Variants in PANK1 observed in about 807,000 individuals in gnomAD.
PANK1 encodes the protein pantothenic acid kinase 1.
A neutral mutation model predicts 40.1 loss-of-function variants in PANK1; 18 were observed. The observed-to-expected ratio is 0.45, with a 90% CI of 0.31 to 0.67. The LOEUF is 0.67. PANK1 is among the 30% of genes least tolerant of loss of function. The pLI is 0.06. For missense variants in PANK1, 457 were observed against 599.6 expected, an observed-to-expected ratio of 0.76 and a Z score of 2.48; for synonymous variants, 242 against 237.7, an observed-to-expected ratio of 1.02 and a Z score of -0.17.
Position 89,584,430 on chromosome 10 carries a change from C to T in PANK1, c.1362G>A (p.Leu454=). 2.5e-6 allele frequency: 4 copies of T among 1,608,226 alleles called. No individual in the cohort carries two copies. The South Asian group carries it at 4.4e-5, about 18-fold the overall frequency. Residue 454 remains leucine (L), a synonymous_variant, in exon 7 of 7, where the codon CTG becomes CTA. Coordinates refer to ENST00000307534, the MANE Select transcript of PANK1 (RefSeq NM_148977.3). ...YFGAVGALLE[L]FKMTDDK is the part of the protein sequence containing the mutation. ...TCTACTTGTCATCAGTCATTTTGAA[C>T]AGTTCCAACAGTGCCCCAACGGCTC...
intron 5 of PANK1, 36 bp downstream of exon 5, chr10:89,593,161 G>T: frequency 6.2e-7 from 1 of 1,605,958 alleles, no homozygotes; most frequent in South Asian, 1.1e-5. Context: ...GTATATGAAT[G>T]ACACACAGCT....
At chr10:89,633,881 A>G (rs902586991) in intron 1 of PANK1, among the ~76,000 whole-genome samples, 5 of 152,116 alleles carry the variant, frequency 3.3e-5, no homozygotes, top group Non-Finnish European at 5.9e-5. Context: ...TCATCCTCCA[A>G]TCTTGCTTAA....
At chr10:89,604,909 C>T (rs1183776827) in intron 2 of PANK1, among the ~76,000 whole-genome samples, 1 of 151,694 alleles carries the variant, frequency 6.6e-6, no homozygotes, top group Non-Finnish European at 1.5e-5. Context: ...TGCCACCACA[C>T]CTGGCTATTT....
At chr10:89,586,552 C>T (rs1196797307) in intron 6 of PANK1, among the ~76,000 whole-genome samples, 2 of 152,120 alleles carry the variant, frequency 1.3e-5, no homozygotes, top group Non-Finnish European at 2.9e-5. Context: ...TTTAATAAAA[C>T]AAAATGCAGG....
At chr10:89,620,475 C>T (rs1294736764) in intron 1 of PANK1, among the ~76,000 whole-genome samples, 1 of 152,216 alleles carries the variant, frequency 6.6e-6, no homozygotes, top group Admixed American at 6.5e-5. Flanking sequence ...TCCTGCAGCG[C>T]CCTCAGGCTT....
chr10:89,644,865 C>T lies in PANK1; in HGVS notation c.27G>A (p.Glu9=). 3 of 1,483,504 alleles carry T rather than the reference C, an allele frequency of 2.0e-6. No individual in the cohort carries two copies. The highest frequency in any genetic ancestry group is 1.3e-5 in the South Asian group (1 of 76,258). 91.9% of individuals were successfully genotyped at this position (1,483,504 alleles called of 1,614,324 possible). A position where few individuals can be genotyped will look rare whatever the true frequency, so the allele number is the denominator to read the frequency against. ...CCCCTGGAGAGTGCGGGACCGAGCGCTCCTGCTGCCCGCTGCGGTCGCCCA... is the reference window on the plus strand; with the variant it reads ...CCCCTGGAGAGTGCGGGACCGAGCGTTCCTGCTGCCCGCTGCGGTCGCCCA... MGDRSGQQ[E]RSVPHSPGAP... Residue 9 remains glutamate (E), a synonymous_variant, in exon 1 of 7, where the codon GAG becomes GAA. Transcript: ENST00000307534.
At chr10:89,614,923 G>GGAAGGGAGGAAGGAAGGAA (rs1474191125) in intron 1 of PANK1, among the ~76,000 whole-genome samples, 1 of 152,102 alleles carries the variant, frequency 6.6e-6, no homozygotes, top group Non-Finnish European at 1.5e-5. Context: ...TTTAGGGAGA[G>GGAAGGGAGGAAGGAAGGAA]GAAGGGAGGA....
intron 1 of PANK1, among the ~76,000 whole-genome samples, chr10:89,644,242 C>T (rs868135631): frequency 1.8e-4 from 28 of 152,152 alleles, no homozygotes; most frequent in Non-Finnish European, 3.5e-4. Context: ...CCCACTTTAT[C>T]CTCACTCCTG....
intron 1 of PANK1, among the ~76,000 whole-genome samples, chr10:89,615,658 T>C (rs1564629501): frequency 1.3e-5 from 2 of 152,184 alleles, no homozygotes; most frequent in African/African-American, 4.8e-5. Context: ...CCACCTCAGC[T>C]TCTCAAAGGA....
intron 5 of PANK1, chr10:89,592,928 T>C: frequency 1.9e-6 from 1 of 525,036 alleles, no homozygotes; most frequent in South Asian, 1.8e-5. Context: ...ATAATGATGG[T>C]TAGAGAGACT....
chr10:89,607,666 TA>T (rs1392442148), intron 2 of PANK1, among the ~76,000 whole-genome samples: 2 of 152,222 alleles, frequency 1.3e-5, no homozygotes, highest in Non-Finnish European at 2.9e-5. Context: ...TTTCTGATGT[TA>T]AAAATACCTT....
downstream of PANK1, chr10:89,581,641 C>T (rs555897525): frequency 6.6e-6 from 1 of 152,288 alleles, no homozygotes; most frequent in Non-Finnish European, 1.5e-5. Flanking sequence ...GTCTCGATCT[C>T]CTGACCTCAT....
chr10:89,590,620 T>C (rs1457842618), intron 5 of PANK1, among the ~76,000 whole-genome samples: 1 of 152,128 alleles, frequency 6.6e-6, no homozygotes, highest in Admixed American at 6.5e-5. Context: ...GTATACCGTA[T>C]ACAAATACAC....
At chr10:89,596,478 C>T (rs557807213) in intron 3 of PANK1, among the ~76,000 whole-genome samples, 10 of 152,292 alleles carry the variant, frequency 6.6e-5, no homozygotes, top group Middle Eastern at 3.4e-3. Context: ...TGAGGTAAAG[C>T]GAGCATGCAT....
rs1844116356 is a variant in PANK1 at position 89,584,000 on chromosome 10, C to A, written c.*406G>T. On this transcript the variant is annotated 3_prime_UTR_variant, in exon 7 of 7. Transcript: ENST00000307534. ...ATGAAACGTCATGAAAAATATAAGT[C>A]AAGGTAAAATCTCCTAGAGTAATTA... is the stretch of plus-strand genomic sequence containing the variant. The A allele has an allele frequency of 6.3e-6, 1 of 159,276 alleles. No individual in the cohort carries two copies. Among genetic ancestry groups the A allele is most frequent in the African/African-American group, 2.4e-5 (1 of 41,696 alleles). 9.9% of individuals were successfully genotyped at this position (159,276 alleles called of 1,614,324 possible).
rs753728653 is a variant in PANK1, at chr10:89,584,386, G to C, written c.*20C>G. 1.3e-6 allele frequency: 2 copies of C among 1,544,466 alleles called. No individual in the cohort carries two copies. The highest frequency in any genetic ancestry group is 1.8e-6 in the Non-Finnish European group (2 of 1,117,348). ...TAGTTCTCTGTCCTTTTGGGAGGCTGTTTCCTCCACTGCTCGTCTCTACTT... is the reference window on the plus strand; with the variant it reads ...TAGTTCTCTGTCCTTTTGGGAGGCTCTTTCCTCCACTGCTCGTCTCTACTT... On this transcript the variant is annotated 3_prime_UTR_variant, in exon 7 of 7. Coordinates refer to ENST00000307534, the MANE Select transcript of PANK1 (RefSeq NM_148977.3).
At chr10:89,593,701 G>C (rs1365114566) in intron 4 of PANK1, 112 bp downstream of exon 4, 3 of 767,880 alleles carry the variant, frequency 3.9e-6, no homozygotes, top group Admixed American at 1.9e-5. Context: ...TGATACAACA[G>C]GTATCTGCAC....
chr10:89,623,290 C>G (rs978741464), intron 1 of PANK1, among the ~76,000 whole-genome samples: 29 of 152,096 alleles, frequency 1.9e-4, no homozygotes, highest in African/African-American at 6.8e-4. Context: ...GGCGCAATCT[C>G]GGCTCACTGC....
intron 1 of PANK1, among the ~76,000 whole-genome samples, chr10:89,628,785 TAAACA>T (rs1330607650): frequency 6.6e-6 from 1 of 152,236 alleles, no homozygotes; most frequent in African/African-American, 2.4e-5. Flanking sequence ...TCCATACTCT[TAAACA>T]AAACAGACTG....
Sources: gnomAD v4.1 joint callset for allele counts (sites outside exome capture counted in the v4.1 genomes callset) on GRCh38, gnomAD v4.1.1 for gene constraint, MANE v1.5 for transcripts, NCBI Gene and HGNC (gene_info 2026-07-23, HGNC 2026-07-21) for gene names.